USP53: variants seen among roughly 807,000 people sequenced by gnomAD.
The protein encoded by USP53 is ubiquitin carboxyl-terminal hydrolase 53.
A neutral mutation model predicts 94.9 loss-of-function variants in USP53; 71 were observed. The ratio of observed to expected loss-of-function variants is 0.75; its 90% CI spans 0.62 to 0.91. The LOEUF is 0.91. Ranked by LOEUF, USP53 falls within the 40% of genes least tolerant of loss-of-function variation. USP53 has a pLI of 0.00. For missense variants in USP53, 1,173 were observed against 1,281.0 expected (o/e 0.92, Z 1.29); for synonymous variants, 375 against 422.7 (o/e 0.89, Z 1.39).
At position 119,248,872 on chromosome 4, in the gene USP53, C is replaced by A. The variant is rs138336905; in HGVS notation, c.362C>A (p.Ala121Glu). 6.2e-7 allele frequency: 1 copy of A among 1,613,930 alleles called. No homozygotes were observed. Among genetic ancestry groups the A allele is most frequent in the Non-Finnish European group, 8.5e-7 (1 of 1,179,984 alleles). The change falls in exon 7 of 19, where the codon GCG becomes GAG. Residue 121 changes from alanine (A) to glutamate (E), a missense_variant. By Grantham distance (107) the Ala-to-Glu change is moderately radical. Transcript: ENST00000692078. ...CAACTTGGCCTTATGGATGATGCTG[C>A]GGAGTGCTTTGTAAGTGTTTCTGAT... is the stretch of plus-strand genomic sequence containing the variant. The part of the protein sequence containing the change: ...RFQLGLMDDA[A>E]ECFENMLERI...
chr4:119,235,988 G>A (rs776232992), intron 4 of USP53, among the ~76,000 whole-genome samples: 44 of 152,012 alleles, frequency 2.9e-4, no homozygotes, highest in Admixed American at 5.2e-4. Flanking sequence ...TCTGCCTTTC[G>A]TCATTATAAT....
chr4:119,250,722 T>C (rs371704179), intron 7 of USP53, among the ~76,000 whole-genome samples: 1 of 152,186 alleles, frequency 6.6e-6, no homozygotes, highest in Admixed American at 6.5e-5. Flanking sequence ...ATAGAATCCA[T>C]TGGTTAAGCT....
At position 119,260,622 on chromosome 4, in the gene USP53, G is replaced by A. The variant is rs745652236; in HGVS notation, c.791G>A (p.Arg264Gln). 3.1e-6 allele frequency: 5 copies of A among 1,613,220 alleles called. No individual in the cohort carries two copies. Among genetic ancestry groups the A allele is most frequent in the Non-Finnish European group, 4.2e-6 (5 of 1,179,464 alleles). ...TCTGACTTGACCGAAGCTGTTGTTCGGAATCTAGCAACACATCTTTATCTT... is the reference window on the plus strand; with the variant it reads ...TCTGACTTGACCGAAGCTGTTGTTCAGAATCTAGCAACACATCTTTATCTT... ...EHSDLTEAVV[R>Q]NLATHLYLPG... Residue 264 changes from arginine to glutamine, a missense_variant, in exon 11 of 19, where the codon CGG becomes CAG. Physicochemically the swap from Arg to Gln is conservative, Grantham distance 43. Transcript: ENST00000692078.
rs571062050 is a variant in USP53 at position 119,260,538 on chromosome 4, G to T, written c.707G>T (p.Arg236Leu). The change falls in exon 11 of 19, where the codon CGT (arginine) becomes CTT (leucine). Residue 236 changes from arginine to leucine, a missense_variant. Physicochemically the swap from Arg to Leu is moderately radical, Grantham distance 102. Transcript: ENST00000692078. Reference sequence around the variant, plus strand: ...TGTGGCCAAAAAATAAAAATTCGCCGTGTTTTAATGAATTGCCCAGAGATT... The same window carrying T: ...TGTGGCCAAAAAATAAAAATTCGCCTTGTTTTAATGAATTGCCCAGAGATT... ...SNCGQKIKIR[R>L]VLMNCPEIVT... 4 of 1,613,442 alleles carry T rather than the reference G, an allele frequency of 2.5e-6. No individual in the cohort carries two copies. The highest frequency in any genetic ancestry group is 3.4e-6 in the Non-Finnish European group (4 of 1,179,650).
chr4:119,231,082 A>G (rs1229321296), intron 3 of USP53, among the ~76,000 whole-genome samples: 3 of 152,184 alleles, frequency 2.0e-5, no homozygotes, highest in Non-Finnish European at 4.4e-5. Flanking sequence ...TATAAAGTAG[A>G]TATCTGGATT....
chr4:119,244,471 G>A (rs191405213), intron 5 of USP53, among the ~76,000 whole-genome samples: 1 of 152,120 alleles, frequency 6.6e-6, no homozygotes, highest in East Asian at 1.9e-4. Context: ...GAAATTTGAA[G>A]ATCTTATTTG....
intron 17 of USP53, among the ~76,000 whole-genome samples, chr4:119,288,938 CAAAAA>C (rs35580805): frequency 9.3e-6 from 1 of 107,028 alleles, no homozygotes. Context: ...AACTCTGTCT[CAAAAA>C]AAAAAAAAAA....
At chr4:119,280,666 G>A (rs2149456658) in intron 17 of USP53, among the ~76,000 whole-genome samples, 1 of 152,228 alleles carries the variant, frequency 6.6e-6, no homozygotes, top group South Asian at 2.1e-4. Context: ...ACTCTATCAG[G>A]ATAGGTAGGT....
chr4:119,261,732 T>C lies in USP53; in HGVS notation c.840T>C (p.Thr280=), dbSNP rs768898006. 4.5e-6 allele frequency: 7 copies of C among 1,570,506 alleles called. No homozygotes were observed. The South Asian group carries it at 8.2e-5, about 18-fold the overall frequency. ...TTAAACAGCTTTTTTATAGAGTTACTGATGAAAATGCCAAAAATAGTGAAC... is the reference window on the plus strand; with the variant it reads ...TTAAACAGCTTTTTTATAGAGTTACCGATGAAAATGCCAAAAATAGTGAAC... ...LYLPGLFYRV[T]DENAKNSELN... Residue 280 remains threonine, a synonymous_variant, in exon 12 of 19, where the codon ACT becomes ACC. Coordinates refer to ENST00000692078, the MANE Select transcript of USP53 (RefSeq NM_001371395.1).
At chr4:119,256,619 C>T (rs1749805130) in intron 9 of USP53, 96 bp downstream of exon 9, 1 of 1,252,246 alleles carries the variant, frequency 8.0e-7, no homozygotes, top group Admixed American at 1.8e-5. Flanking sequence ...ACATGAATTT[C>T]CCCTCTCTGT....
At chr4:119,233,547 T>C (rs577795994) in intron 3 of USP53, among the ~76,000 whole-genome samples, 3 of 152,274 alleles carry the variant, frequency 2.0e-5, no homozygotes, top group South Asian at 2.1e-4. Context: ...TCCTTATTCC[T>C]TTTTTAATGC....
chr4:119,213,320 C>G (rs1743135007), intron 1 of USP53: 1 of 152,070 alleles, frequency 6.6e-6, no homozygotes, highest in Admixed American at 6.6e-5. Context: ...GATGGTTATG[C>G]TCCCTCCTTG....
intron 17 of USP53, among the ~76,000 whole-genome samples, chr4:119,280,025 G>A (rs1303860518): frequency 1.3e-5 from 2 of 152,152 alleles, no homozygotes; most frequent in African/African-American, 2.4e-5. Context: ...AGATGAACCC[G>A]GTACCTCAGA....
chr4:119,213,450 C>G (rs1044612923), intron 1 of USP53, among the ~76,000 whole-genome samples: 1 of 151,808 alleles, frequency 6.6e-6, no homozygotes, highest in African/African-American at 2.4e-5. Context: ...ATTTACCAAA[C>G]TATTTTTAAA....
At chr4:119,226,559 A>G (rs944212479) in intron 3 of USP53, among the ~76,000 whole-genome samples, 17 of 152,186 alleles carry the variant, frequency 1.1e-4, no homozygotes, top group African/African-American at 3.6e-4. Context: ...AAAAATATAT[A>G]TGTATAACCT....
intron 3 of USP53, among the ~76,000 whole-genome samples, chr4:119,227,535 CAGG>C (rs1745466666): frequency 6.6e-6 from 1 of 152,112 alleles, no homozygotes; most frequent in Non-Finnish European, 1.5e-5. Context: ...GAAGCTGAGC[CAGG>C]AGAAGTGGCG....
chr4:119,291,243 A>C lies in USP53; in HGVS notation c.2330A>C (p.Lys777Thr), dbSNP rs1264770615. 1 of 1,590,254 alleles carries C rather than the reference A, an allele frequency of 6.3e-7. No individual in the cohort carries two copies. Among genetic ancestry groups the C allele is most frequent in the Non-Finnish European group, 8.5e-7 (1 of 1,170,498 alleles). ...CACCCAGAATCACATTTACAAATAAAAAATCATTTGATAAAAAGGTAACCA... is the reference window on the plus strand; with the variant it reads ...CACCCAGAATCACATTTACAAATAACAAATCATTTGATAAAAAGGTAACCA... ...EFHPESHLQI[K>T]NHLIKRSHVH... Residue 777 changes from lysine (K) to threonine (T), a missense_variant, in exon 18 of 19, where the codon AAA becomes ACA. By Grantham distance (78) the Lys-to-Thr change is moderately conservative. Transcript: ENST00000692078.
At chr4:119,224,834 G>T (rs1745027446) in intron 3 of USP53, among the ~76,000 whole-genome samples, 1 of 152,154 alleles carries the variant, frequency 6.6e-6, no homozygotes, top group South Asian at 2.1e-4. Flanking sequence ...AGTGTGGAGG[G>T]AAATTTATAA....
chr4:119,261,636 A>G, intron 11 of USP53, 79 bp from the exon 12 acceptor site: 2 of 1,207,282 alleles, frequency 1.7e-6, no homozygotes, highest in Admixed American at 2.2e-5. Context: ...ATTATGTGTC[A>G]AAGACATGAT....
Sources: gnomAD v4.1 joint callset for allele counts (sites outside exome capture counted in the v4.1 genomes callset) on GRCh38, gnomAD v4.1.1 for gene constraint, MANE v1.5 for transcripts, NCBI Gene and HGNC (gene_info 2026-07-23, HGNC 2026-07-21) for gene names.